SPC24: variants seen among roughly 807,000 people sequenced by gnomAD.
SPC24 encodes SPC24 component of NDC80 kinetochore complex.
A neutral mutation model predicts 27.6 loss-of-function variants in SPC24; 31 were observed. The observed-to-expected ratio is 1.12, with a 90% CI of 0.84 to 1.52. SPC24 has a LOEUF of 1.52. SPC24 is among the 40% of genes most tolerant of loss of function. The probability of loss-of-function intolerance (pLI) is 0.00; values close to 1 mark genes in which losing one functional copy is unlikely to be tolerated. For missense variants in SPC24, 284 were observed against 252.5 expected (o/e 1.12, Z -0.84); for synonymous variants, 105 against 105.8 (o/e 0.99, Z 0.05).
chr19:11,149,018 A>G (rs2077850156), intron 2 of SPC24, 76 bp downstream of exon 2: 1 of 1,359,142 alleles, frequency 7.4e-7, no homozygotes, highest in Non-Finnish European at 9.6e-7. Flanking sequence ...AAGTGCTGGG[A>G]TTACAGGCTT....
intron 4 of SPC24, 71 bp from the exon 5 acceptor site, chr19:11,147,360 G>C: frequency 9.2e-7 from 1 of 1,085,026 alleles, no homozygotes; most frequent in Non-Finnish European, 1.3e-6. Context: ...AAAGGATACT[G>C]CCTTTACTTT....
At chr19:11,147,321 A>T (rs1188093056) in intron 4 of SPC24, 32 bp from the exon 5 acceptor site, 1 of 1,455,214 alleles carries the variant, frequency 6.9e-7, no homozygotes. Context: ...AGCCCGGGAC[A>T]CACAGCCCCT....
chr19:11,153,362 T>C (rs2077887172), intron 1 of SPC24, among the ~76,000 whole-genome samples: 1 of 150,670 alleles, frequency 6.6e-6, no homozygotes, highest in South Asian at 2.1e-4. Context: ...TGAGGCAGAA[T>C]GGTGTGAACC....
intron 1 of SPC24, among the ~76,000 whole-genome samples, chr19:11,151,919 T>A (rs1246223751): frequency 1.3e-5 from 2 of 150,042 alleles, no homozygotes; most frequent in African/African-American, 4.9e-5. Flanking sequence ...TTTTTTTTTT[T>A]TAAACTTTTA....
chr19:11,147,736 T>C, intron 4 of SPC24, 82 bp downstream of exon 4: 1 of 1,311,596 alleles, frequency 7.6e-7, no homozygotes, highest in South Asian at 1.3e-5. Context: ...ACCCGGCTAA[T>C]TTTTACAGGG....
At chr19:11,148,780 A>AT (rs958232556) in intron 2 of SPC24, among the ~76,000 whole-genome samples, 8 of 150,444 alleles carry the variant, frequency 5.3e-5, no homozygotes, top group East Asian at 4.0e-4. Flanking sequence ...CGCCCGGCTA[A>AT]TTTTTTTTTG....
intron 3 of SPC24, 47 bp from the exon 4 acceptor site, chr19:11,147,941 C>A: frequency 6.3e-7 from 1 of 1,580,720 alleles, no homozygotes; most frequent in South Asian, 1.1e-5. Context: ...GAAAGTTACC[C>A]AGCACCAACT....
Position 11,146,948 on chromosome 19 carries a change from C to CG in SPC24, c.*234dup, listed in dbSNP as rs1568629840. The CG allele has an allele frequency of 7.6e-6, 2 of 263,904 alleles. No individual in the cohort carries two copies. The highest frequency in any genetic ancestry group is 4.5e-5 in the African/African-American group (2 of 43,968). The allele number at this position is 263,904 out of a possible 1,614,324, so 16.3% of individuals were successfully genotyped here. ...ACAAAAAATTAGCTGGGTGTGGTGGCGCATGCCTGTAATCCCAGCTACTTT... is the reference window on the plus strand; with the variant it reads ...ACAAAAAATTAGCTGGGTGTGGTGGCGGCATGCCTGTAATCCCAGCTACTTT... On this transcript the variant is annotated 3_prime_UTR_variant, in exon 5 of 5. Transcript: ENST00000592540.
intron 1 of SPC24, among the ~76,000 whole-genome samples, chr19:11,154,394 C>T (rs1367553379): frequency 6.6e-6 from 1 of 152,094 alleles, no homozygotes; most frequent in East Asian, 1.9e-4. Context: ...CAAACATTAG[C>T]TGGGCATGGT....
At chr19:11,147,460 A>G (rs779292651) in intron 4 of SPC24, 171 bp from the exon 5 acceptor site, 48 of 579,290 alleles carry the variant, frequency 8.3e-5, no homozygotes, top group Admixed American at 3.7e-4. Flanking sequence ...TCCAGTGGTT[A>G]AGTGATTCTC....
chr19:11,148,230 CAG>C, intron 2 of SPC24, 113 bp from the exon 3 acceptor site: 2 of 692,522 alleles, frequency 2.9e-6, no homozygotes, highest in Non-Finnish European at 2.5e-6. Flanking sequence ...TTCTTTGAGT[CAG>C]AGTTTTGCTT....
Position 11,145,625 on chromosome 19 carries a change from A to G in SPC24, c.*1558T>C, listed in dbSNP as rs2077818299. 6.6e-6 allele frequency: 1 copy of G among 152,186 alleles called. No individual in the cohort carries two copies. The highest frequency in any genetic ancestry group is 2.4e-5 in the African/African-American group (1 of 41,444). 9.4% of individuals were successfully genotyped at this position (152,186 alleles called of 1,614,324 possible). ...CCCATTTAAATAAGTTTGTGCTGAT[A>G]TCTGGCTCTGCCATCATCAGGGAAC... is the stretch of plus-strand genomic sequence containing the variant. On this transcript the variant is annotated 3_prime_UTR_variant, in exon 5 of 5. Coordinates refer to ENST00000592540, the MANE Select transcript of SPC24 (RefSeq NM_182513.4).
chr19:11,146,847 C>A lies in SPC24; in HGVS notation c.*336G>T. ...ATCCTAGCACTTTGGGAGGCCAAGG[C>A]GGGCGGGTGGATCACCTGAGGTCAG... On this transcript the variant is annotated 3_prime_UTR_variant, in exon 5 of 5. Coordinates refer to ENST00000592540, the MANE Select transcript of SPC24 (RefSeq NM_182513.4). The A allele has an allele frequency of 6.2e-6, 1 of 160,120 alleles. No individual in the cohort carries two copies. Among genetic ancestry groups the A allele is most frequent in the South Asian group, 1.7e-4 (1 of 5,776 alleles). The allele number at this position is 160,120 out of a possible 1,614,324, so 9.9% of individuals were successfully genotyped here. A position where few individuals can be genotyped will look rare whatever the true frequency, so the allele number is the denominator to read the frequency against.
intron 4 of SPC24, 77 bp downstream of exon 4, chr19:11,147,741 A>T: frequency 4.5e-6 from 6 of 1,328,132 alleles, no homozygotes; most frequent in East Asian, 2.4e-5. Flanking sequence ...GCTAATTTTT[A>T]CAGGGTCCTG....
intron 1 of SPC24, among the ~76,000 whole-genome samples, chr19:11,151,480 C>T (rs565867655): frequency 3.9e-5 from 6 of 152,328 alleles, no homozygotes; most frequent in Non-Finnish European, 5.9e-5. Flanking sequence ...CCTTCCCACC[C>T]GCTGTCTGTC....
rs1473729084 is a variant in SPC24 at position 11,155,761 on chromosome 19, C to T, written c.16G>A (p.Asp6Asn). 3 of 1,545,162 alleles carry T rather than the reference C, an allele frequency of 1.9e-6. No individual in the cohort carries two copies. The highest frequency in any genetic ancestry group is 2.4e-5 in the East Asian group (1 of 41,880). MAAFR[D>N]IEEVSQGLLS... The stretch of plus-strand genomic sequence containing the variant: ...AGCCCCTGGCTCACCTCCTCTATGT[C>T]GCGGAAGGCGGCCATGACTACGCCA... Residue 6 changes from aspartate (D) to asparagine (N), a missense_variant, in exon 1 of 5, where the codon GAC becomes AAC. Asp to Asn is a conservative substitution (Grantham distance 23, BLOSUM62 1). Coordinates refer to ENST00000592540, the MANE Select transcript of SPC24 (RefSeq NM_182513.4).
At position 11,148,069 on chromosome 19, in the gene SPC24, C is replaced by T; in HGVS notation, c.354G>A (p.Leu118=). 5 of 1,613,890 alleles carry T rather than the reference C, an allele frequency of 3.1e-6. No individual in the cohort carries two copies. Among genetic ancestry groups the T allele is most frequent in the Non-Finnish European group, 4.2e-6 (5 of 1,179,884 alleles). ...CGTCGACCTCCTTCTCCTGTCGCTCCAGATCCGCCTCAATCTCCTTGAGCT... is the reference window on the plus strand; with the variant it reads ...CGTCGACCTCCTTCTCCTGTCGCTCTAGATCCGCCTCAATCTCCTTGAGCT... ...LEELKEIEAD[L]ERQEKEVDED... is the part of the protein sequence containing the mutation. The change falls in exon 3 of 5, where the codon CTG becomes CTA. Residue 118 remains leucine, a synonymous_variant. Coordinates refer to ENST00000592540, the MANE Select transcript of SPC24 (RefSeq NM_182513.4).
chr19:11,146,767 CAAA>C lies in SPC24; in HGVS notation c.*413_*415del, dbSNP rs747127191. Reference sequence around the variant, plus strand: ...TGGGCGACAGAGTGAGACTCCGTCTCAAAAAAAAAAAAAAAAGGAAGACGTCTA... The same window carrying C: ...TGGGCGACAGAGTGAGACTCCGTCTCAAAAAAAAAAAAAGGAAGACGTCTA... On this transcript the variant is annotated 3_prime_UTR_variant, in exon 5 of 5. Transcript: ENST00000592540. 12 of 87,888 alleles carry C rather than the reference CAAA, an allele frequency of 1.4e-4. No individual in the cohort carries two copies. Among genetic ancestry groups the C allele is most frequent in the East Asian group, 3.6e-4 (1 of 2,806 alleles). 5.4% of individuals were successfully genotyped at this position (87,888 alleles called of 1,614,324 possible).
rs758852574 is a variant in SPC24, at chr19:11,155,643, T to C, written c.134A>G (p.Gln45Arg). 7 of 1,551,392 alleles carry C rather than the reference T, an allele frequency of 4.5e-6. No homozygotes were observed. The highest frequency in any genetic ancestry group is 1.4e-5 in the African/African-American group (1 of 73,182). The change falls in exon 1 of 5, where the codon CAA (glutamine) becomes CGA (arginine). Residue 45 changes from glutamine to arginine, a missense_variant. Transcript: ENST00000592540. The stretch of plus-strand genomic sequence containing the variant: ...TCGCAGCTGCTTCTCGGCACCGTCT[T>C]GCGTTTCCAGCAGCCGCTCCACCAC... ...EQVVERLLET[Q>R]DGAEKQLREI...
Sources: gnomAD v4.1 joint callset for allele counts (sites outside exome capture counted in the v4.1 genomes callset) on GRCh38, gnomAD v4.1.1 for gene constraint, MANE v1.5 for transcripts, NCBI Gene and HGNC (gene_info 2026-07-23, HGNC 2026-07-21) for gene names.